The following DLGAP4 variants were observed in gnomAD, a reference collection of about 807,000 sequenced individuals.
DLGAP4 encodes the protein disks large-associated protein 4.
A neutral mutation model predicts 86.9 loss-of-function variants in DLGAP4; 18 were observed. The observed-to-expected ratio is 0.21, with a 90% CI of 0.14 to 0.31. The LOEUF (loss-of-function observed/expected upper bound fraction) is 0.31. DLGAP4 is among the 10% of genes least tolerant of loss of function. The pLI is 1.00. For missense variants in DLGAP4, 1,085 were observed against 1,362.6 expected (o/e 0.80, Z 3.21); for synonymous variants, 548 against 574.3 (o/e 0.95, Z 0.65).
chr20:36,463,049 GT>G (rs1365734847), intron 7 of DLGAP4, among the ~76,000 whole-genome samples: 1 of 152,142 alleles, frequency 6.6e-6, no homozygotes, highest in African/African-American at 2.4e-5. Context: ...AGGCTGTGGG[GT>G]TCATGGCCAG....
chr20:36,461,747 G>A, intron 7 of DLGAP4: 1 of 845,450 alleles, frequency 1.2e-6, no homozygotes, highest in Non-Finnish European at 1.4e-6. Context: ...CCGTCCGTCC[G>A]TCCGCCCGCC....
At position 36,500,592 on chromosome 20, in the gene DLGAP4, G is replaced by A. The variant is rs746948040; in HGVS notation, c.2493G>A (p.Glu831=). 1 of 1,501,862 alleles carries A rather than the reference G, an allele frequency of 6.7e-7. No homozygotes were observed. Among genetic ancestry groups the A allele is most frequent in the African/African-American group, 1.4e-5 (1 of 71,322 alleles). 93.0% of individuals were successfully genotyped at this position (1,501,862 alleles called of 1,614,324 possible). ...WCCQMDKETK[E]NNLSEEVLGK... is the part of the protein sequence containing the mutation. Reference sequence around the variant, plus strand: ...GCCAGATGGACAAGGAGACCAAAGAGAACAACCTCTCTGAAGAAGGTGGGT... The same window carrying A: ...GCCAGATGGACAAGGAGACCAAAGAAAACAACCTCTCTGAAGAAGGTGGGT... Residue 831 remains glutamate (E), a synonymous_variant, in exon 10 of 13, where the codon GAG becomes GAA. Transcript: ENST00000339266. The surrounding 1 kb of genome is among the most constrained non-coding windows in gnomAD (Gnocchi z 4.6).
chr20:36,346,890 G>A (rs1207807775), intron 1 of DLGAP4, among the ~76,000 whole-genome samples: 1 of 152,178 alleles, frequency 6.6e-6, no homozygotes, highest in African/African-American at 2.4e-5. Context: ...GGGCTGGGGA[G>A]GGGTTTCTTG....
intron 3 of DLGAP4, 123 bp from the exon 4 acceptor site, chr20:36,435,986 A>C (rs536814743): frequency 1.7e-5 from 24 of 1,386,882 alleles, no homozygotes; most frequent in Non-Finnish European, 2.2e-5. Context: ...CAAAGGCGGG[A>C]AACCCAGCAC....
chr20:36,436,184 A>G lies in DLGAP4; in HGVS notation c.1075A>G (p.Ile359Val). Residue 359 changes from isoleucine (I) to valine (V), a missense_variant, in exon 4 of 13, where the codon ATC (isoleucine) becomes GTC (valine). This residue lies in a region of DLGAP4 where 1,082 missense variants were observed against 1,344.1 expected (regional missense o/e 0.81). Coordinates refer to ENST00000339266, the MANE Select transcript of DLGAP4 (RefSeq NM_001365621.2). The stretch of plus-strand genomic sequence containing the variant: ...GACGGATGCCGCGGCCGAGGGCCCT[A>G]TCCCGTGCCGGCGCATGCGCAGCGG... ...RETDAAAEGP[I>V]PCRRMRSGSY... The G allele has an allele frequency of 6.2e-7, 1 of 1,601,504 alleles. No homozygotes were observed. The highest frequency in any genetic ancestry group is 1.1e-5 in the South Asian group (1 of 90,616).
chr20:36,381,975 C>T (rs2031410303), intron 2 of DLGAP4, among the ~76,000 whole-genome samples: 1 of 152,164 alleles, frequency 6.6e-6, no homozygotes, highest in Non-Finnish European at 1.5e-5. Flanking sequence ...TCCTTGCCCA[C>T]CCCAGTGTCT....
chr20:36,307,772 AG>A (rs1195898116), intron 1 of DLGAP4, among the ~76,000 whole-genome samples: 2 of 151,810 alleles, frequency 1.3e-5, no homozygotes, highest in Non-Finnish European at 2.9e-5. Context: ...CCCAGTAGGG[AG>A]GGGGGAGTCC....
intron 2 of DLGAP4, among the ~76,000 whole-genome samples, chr20:36,382,153 G>A (rs1179812180): frequency 6.6e-6 from 1 of 152,218 alleles, no homozygotes; most frequent in African/African-American, 2.4e-5. Flanking sequence ...TGAGGGCAGA[G>A]ATCTGGTTTT....
chr20:36,316,237 A>G (rs2065098195), intron 1 of DLGAP4, among the ~76,000 whole-genome samples: 1 of 152,108 alleles, frequency 6.6e-6, no homozygotes, highest in Non-Finnish European at 1.5e-5. Flanking sequence ...AACCACATCC[A>G]GCTGCTCATG....
At chr20:36,426,981 C>G (rs2147529504) in intron 2 of DLGAP4, among the ~76,000 whole-genome samples, 1 of 149,840 alleles carries the variant, frequency 6.7e-6, no homozygotes, top group East Asian at 2.0e-4. Context: ...AGTTCCAGAC[C>G]AGCTTGGGCA....
chr20:36,426,534 T>G, intron 2 of DLGAP4, among the ~76,000 whole-genome samples: 1 of 149,798 alleles, frequency 6.7e-6, no homozygotes, highest in East Asian at 2.0e-4. Context: ...AAAAAAAAAA[T>G]GAATAAAAGA....
chr20:36,320,354 G>A (rs923961267), intron 1 of DLGAP4, among the ~76,000 whole-genome samples: 4 of 149,852 alleles, frequency 2.7e-5, no homozygotes, highest in East Asian at 2.0e-4. Context: ...GTGCCTGGCC[G>A]ACATTCAAGG....
intron 7 of DLGAP4, among the ~76,000 whole-genome samples, chr20:36,486,128 G>A (rs939335435): frequency 2.6e-5 from 4 of 152,076 alleles, no homozygotes; most frequent in Admixed American, 6.6e-5. Flanking sequence ...TTGTTCATTC[G>A]TTCAGTAAAT....
intron 7 of DLGAP4, among the ~76,000 whole-genome samples, chr20:36,480,454 C>G (rs542863138): frequency 6.6e-6 from 1 of 152,286 alleles, no homozygotes; most frequent in East Asian, 1.9e-4. Context: ...CCTGTAATCC[C>G]AGCACTTGGA....
chr20:36,507,950 C>A (rs2036472226), intron 10 of DLGAP4: 1 of 152,264 alleles, frequency 6.6e-6, no homozygotes. Context: ...TGTGTATGTC[C>A]CTCCACGTGC....
At position 36,500,500 on chromosome 20, in the gene DLGAP4, C is replaced by T. The variant is rs763337013; in HGVS notation, c.2401C>T (p.Arg801Cys). 7 of 1,592,610 alleles carry T rather than the reference C, an allele frequency of 4.4e-6. No homozygotes were observed. Among genetic ancestry groups the T allele is most frequent in the Admixed American group, 3.5e-5 (2 of 56,432 alleles). The change falls in exon 10 of 13, where the codon CGC (arginine) becomes TGC (cysteine). Residue 801 changes from arginine (R) to cysteine (C), a missense_variant. By Grantham distance (180) the Arg-to-Cys change is radical. Coordinates refer to ENST00000339266, the MANE Select transcript of DLGAP4 (RefSeq NM_001365621.2). The surrounding 1 kb of genome is among the most constrained non-coding windows in gnomAD (Gnocchi z 4.6). ...PAEPAQPGAC[R>C]RDGYWFLKLL... is the part of the protein sequence containing the mutation. ...AGAGCCGGCACAGCCAGGGGCCTGC[C>T]GCCGAGACGGCTACTGGTTCCTAAA... is the stretch of plus-strand genomic sequence containing the variant.
At chr20:36,373,930 G>T (rs1431553653) in intron 2 of DLGAP4, among the ~76,000 whole-genome samples, 1 of 151,790 alleles carries the variant, frequency 6.6e-6, no homozygotes, top group Non-Finnish European at 1.5e-5. Flanking sequence ...CCAGCCACTC[G>T]GGTGACTAAG....
At chr20:36,369,361 G>A (rs983510601) in intron 2 of DLGAP4, among the ~76,000 whole-genome samples, 4 of 152,190 alleles carry the variant, frequency 2.6e-5, no homozygotes, top group Non-Finnish European at 5.9e-5. Flanking sequence ...GGGAGGCCGA[G>A]GCAGGCGGAT....
At position 36,470,575 on chromosome 20, in the gene DLGAP4, TAAAA is replaced by T. The variant is rs75020252; in HGVS notation, c.1648+23650_1648+23653del. 1.4e-4 allele frequency among the ~76,000 whole-genome samples: 19 copies of T among 134,428 alleles called. No homozygotes were observed. In the East Asian group the frequency reaches 3.6e-3, roughly 26 times the overall value. 88.2% of individuals were successfully genotyped at this position (134,428 alleles called of 152,430 possible). A position where few individuals can be genotyped will look rare whatever the true frequency, so the allele number is the denominator to read the frequency against. ...TGGTTTAAAAAAATTCAAACTTGGT[TAAAA>T]AAAAAAAAAAAGCCCAATGAAAAAT... On this transcript the variant is annotated intron_variant, in intron 7 of 12. Coordinates refer to ENST00000339266, the MANE Select transcript of DLGAP4 (RefSeq NM_001365621.2).
Sources: allele counts gnomAD v4.1 joint callset (sites outside exome capture counted in the v4.1 genomes callset), GRCh38; gene constraint gnomAD v4.1.1; regional missense constraint gnomAD v4.1.1; non-coding constraint Gnocchi (gnomAD v3.1); transcripts MANE v1.5; gene names NCBI Gene and HGNC (gene_info 2026-07-23, HGNC 2026-07-21).